The following MUC4 variants were observed in gnomAD, a reference collection of about 807,000 sequenced individuals.
The protein encoded by MUC4 is mucin 4, cell surface associated, also known as mucin-4.
Under a neutral mutation model 257.9 loss-of-function variants are expected in MUC4, and 202 were observed. That is an observed-to-expected ratio of 0.78 (90% CI 0.70 to 0.88). The LOEUF (loss-of-function observed/expected upper bound fraction) is 0.88. MUC4 is among the 40% of genes least tolerant of loss of function. The probability of loss-of-function intolerance (pLI) is 0.00; values close to 1 mark genes in which losing one functional copy is unlikely to be tolerated. For missense variants in MUC4, 5,976 were observed against 6,513.7 expected, an observed-to-expected ratio of 0.92 and a Z score of 2.84; for synonymous variants, 2,351 against 2,757.1, an observed-to-expected ratio of 0.85 and a Z score of 4.62.
At chr3:195,749,958 T>A (rs1716036117) in intron 23 of MUC4, 1 of 152,264 alleles carries the variant, frequency 6.6e-6, no homozygotes, top group African/African-American at 2.4e-5. Flanking sequence ...CTTAATTGCA[T>A]AGTCAGGGCT....
At chr3:195,806,322 G>A (rs62282510) in intron 1 of MUC4, among the ~76,000 whole-genome samples, 1 of 151,974 alleles carries the variant, frequency 6.6e-6, no homozygotes, top group Admixed American at 6.5e-5. Context: ...GCTCCCCGCA[G>A]AACGGTTCCT....
At chr3:195,751,341 G>C in intron 21 of MUC4, 70 bp from the exon 22 acceptor site, 1 of 1,165,530 alleles carries the variant, frequency 8.6e-7, no homozygotes, top group Non-Finnish European at 1.3e-6. Context: ...CTCCCACCTT[G>C]ATGGGTGTAT....
chr3:195,789,064 T>G lies in MUC4; in HGVS notation c.2516A>C (p.His839Pro). ...RFSSNPSRDS[H>P]TTQSTTELLS... ...CAATTCGGTTGTTGACTGGGTTGTG[T>G]GACTGTCCCTGGAGGGGTTTGATGA... The change falls in exon 2 of 25, where the codon CAC becomes CCC. Residue 839 changes from histidine (H) to proline (P), a missense_variant. Transcript: ENST00000463781. 2 of 1,613,700 alleles carry G rather than the reference T, an allele frequency of 1.2e-6. No individual in the cohort carries two copies. Among genetic ancestry groups the G allele is most frequent in the Non-Finnish European group, 1.7e-6 (2 of 1,179,780 alleles).
rs1730507178 is a variant in MUC4 at position 195,784,684 on chromosome 3, GTGGATGCTGAGGAAGGGCTA to G, written c.6876_6895del (p.Ser2293ArgfsTer34). ...GACATGAAGAGGGGTGGCGTGACCT[GTGGATGCTGAGGAAGGGCTA>G]GTGACAGGAAGAGGAGTGGTGTCAC... On this transcript the variant is annotated frameshift_variant, in exon 2 of 25. Transcript: ENST00000463781. LOFTEE classifies it high-confidence loss of function. 1 of 1,447,648 alleles carries G rather than the reference GTGGATGCTGAGGAAGGGCTA, an allele frequency of 6.9e-7. No homozygotes were observed. The highest frequency in any genetic ancestry group is 2.1e-5 in the Admixed American group (1 of 47,252). The allele number at this position is 1,447,648 out of a possible 1,614,324, so 89.7% of individuals were successfully genotyped here.
At chr3:195,772,058 G>A (rs1722998521) in intron 4 of MUC4, among the ~76,000 whole-genome samples, 1 of 152,172 alleles carries the variant, frequency 6.6e-6, no homozygotes, top group Non-Finnish European at 1.5e-5. Flanking sequence ...CTGTTTCACT[G>A]CAGATCCCTG....
At chr3:195,752,987 C>T (rs558733091) in intron 20 of MUC4, 64 bp downstream of exon 20, 39 of 1,382,122 alleles carry the variant, frequency 2.8e-5, no homozygotes, top group Admixed American at 4.3e-5. Flanking sequence ...GGGCGGAGTG[C>T]GGGGGTGAGA....
intron 9 of MUC4, 47 bp downstream of exon 9, chr3:195,765,223 A>G (rs1720177571): frequency 6.3e-7 from 1 of 1,585,182 alleles, no homozygotes. Flanking sequence ...GGGCGTGAGC[A>G]GAGAGGGTGG....
At chr3:195,760,855 A>G in intron 16 of MUC4, 29 bp downstream of exon 16, 1 of 1,598,748 alleles carries the variant, frequency 6.3e-7, no homozygotes, top group South Asian at 1.1e-5. Context: ...CGACTCTGAA[A>G]AGGCCTCCCC....
chr3:195,746,867 A>G lies in MUC4; in HGVS notation c.*309T>C, dbSNP rs1173301630. The G allele has an allele frequency of 9.6e-5, 44 of 456,876 alleles. No homozygotes were observed. The highest frequency in any genetic ancestry group is 7.6e-4 in the African/African-American group (38 of 50,310). 28.3% of individuals were successfully genotyped at this position (456,876 alleles called of 1,614,324 possible). ...GAAGCATTTTGCTTAACTTAGGGCC[A>G]TCACCACATTATGAACTCGTGTGTG... On this transcript the variant is annotated 3_prime_UTR_variant, in exon 25 of 25. Coordinates refer to ENST00000463781, the MANE Select transcript of MUC4 (RefSeq NM_018406.7).
intron 24 of MUC4, among the ~76,000 whole-genome samples, chr3:195,748,638 G>A (rs978744304): frequency 6.6e-6 from 1 of 152,280 alleles, no homozygotes; most frequent in African/African-American, 2.4e-5. Context: ...CCTGGGGCAG[G>A]TTCCTTGTCA....
intron 2 of MUC4, 102 bp downstream of exon 2, chr3:195,778,688 C>G: frequency 7.2e-7 from 1 of 1,384,240 alleles, no homozygotes; most frequent in Non-Finnish European, 9.8e-7. Flanking sequence ...GACACGGCCC[C>G]ACCAGGTAAT....
Position 195,783,391 on chromosome 3 carries a change from G to T in MUC4, c.8189C>A (p.Ser2730Tyr). The change falls in exon 2 of 25, where the codon TCC becomes TAC. Residue 2730 changes from serine (S) to tyrosine (Y), a missense_variant. Ser to Tyr is a moderately radical substitution (Grantham distance 144). Transcript: ENST00000463781. The part of the protein sequence containing the change: ...SLPVTDTSSS[S>Y]TGDTTPLLVT... ...AAGAAGAGGGGTGGTGTCACCTGTG[G>T]ATGATGAGGAAGTGTCGGTGACAGG... is the stretch of plus-strand genomic sequence containing the variant. 3.2e-6 allele frequency: 3 copies of T among 948,220 alleles called. No individual in the cohort carries two copies. The highest frequency in any genetic ancestry group is 3.4e-5 in the Admixed American group (1 of 29,444). The allele number at this position is 948,220 out of a possible 1,614,324, so 58.7% of individuals were successfully genotyped here.
At position 195,791,514 on chromosome 3, in the gene MUC4, T is replaced by G; in HGVS notation, c.83-17A>C. On this transcript the variant is annotated splice_polypyrimidine_tract_variant and intron_variant, in intron 1 of 24. Coordinates refer to ENST00000463781, the MANE Select transcript of MUC4 (RefSeq NM_018406.7). ...CTGTGGTTCCTGGAGTGAACCAAAA[T>G]AGGCAAGCAGAGAGCTAAATCATGA... 2 of 1,541,942 alleles carry G rather than the reference T, an allele frequency of 1.3e-6. No individual in the cohort carries two copies. The highest frequency in any genetic ancestry group is 1.8e-6 in the Non-Finnish European group (2 of 1,117,220).
At chr3:195,794,371 T>G (rs530865674) in intron 1 of MUC4, among the ~76,000 whole-genome samples, 5 of 132,756 alleles carry the variant, frequency 3.8e-5, no homozygotes, top group South Asian at 4.4e-4. Flanking sequence ...AACATATATA[T>G]ATAGAGAGAG....
At chr3:195,750,774 C>G in intron 23 of MUC4, 115 bp downstream of exon 23, 3 of 1,047,600 alleles carry the variant, frequency 2.9e-6, no homozygotes, top group Non-Finnish European at 4.1e-6. Flanking sequence ...CACGTTTTCG[C>G]TCAAAACCAA....
chr3:195,778,933 G>T lies in MUC4; in HGVS notation c.12647C>A (p.Ser4216Ter). Residue 4216 changes from serine to a stop codon, truncating the protein, a stop_gained, in exon 2 of 25, where the codon TCA becomes TAA. Coordinates refer to ENST00000463781, the MANE Select transcript of MUC4 (RefSeq NM_018406.7). LOFTEE classifies it high-confidence loss of function. ...AGGGGTGGCGTGACCTGTGGATGCTGAGGAAGTGTCGGTGACAGGAAGAGG... is the reference window on the plus strand; with the variant it reads ...AGGGGTGGCGTGACCTGTGGATGCTTAGGAAGTGTCGGTGACAGGAAGAGG... The part of the protein sequence containing the change: ...ATPLPVTDTS[S>*]ASTGHATPLP... 6.6e-7 allele frequency: 1 copy of T among 1,515,104 alleles called. No individual in the cohort carries two copies. 93.9% of individuals were successfully genotyped at this position (1,515,104 alleles called of 1,614,324 possible). A position where few individuals can be genotyped will look rare whatever the true frequency, so the allele number is the denominator to read the frequency against.
chr3:195,760,185 G>A (rs1336893550), intron 16 of MUC4, among the ~76,000 whole-genome samples: 1 of 152,104 alleles, frequency 6.6e-6, no homozygotes, highest in Non-Finnish European at 1.5e-5. Context: ...AAAATATGTT[G>A]AGTAATTATA....
At position 195,779,467 on chromosome 3, in the gene MUC4, G is replaced by A. The variant is rs547189907; in HGVS notation, c.12113C>T (p.Thr4038Ile). The change falls in exon 2 of 25, where the codon ACT becomes ATT. Residue 4038 changes from threonine to isoleucine, a missense_variant. Transcript: ENST00000463781. ...GHATPVPVTS[T>I]SSASTGDTTP... Reference sequence around the variant, plus strand: ...GGTGTCACCTGTGGATGCTGAGGAAGTGCTGGTGACAGGAACAGGGGTGGC... The same window carrying A: ...GGTGTCACCTGTGGATGCTGAGGAAATGCTGGTGACAGGAACAGGGGTGGC... 1,681 of 1,159,804 alleles carry A rather than the reference G, an allele frequency of 1.4e-3. 4 individuals carry two copies. Among genetic ancestry groups the A allele is most frequent in the East Asian group, 9.0e-3 (214 of 23,716 alleles). 71.8% of individuals were successfully genotyped at this position (1,159,804 alleles called of 1,614,324 possible).
intron 5 of MUC4, 50 bp from the exon 6 acceptor site, chr3:195,770,421 C>T (rs1042638429): frequency 6.2e-7 from 1 of 1,604,058 alleles, no homozygotes; most frequent in Non-Finnish European, 8.5e-7. Flanking sequence ...CCCACTCCTA[C>T]ACATGGGCCC....
Sources: allele counts gnomAD v4.1 joint callset (sites outside exome capture counted in the v4.1 genomes callset), GRCh38; gene constraint gnomAD v4.1.1; transcripts MANE v1.5; gene names NCBI Gene and HGNC (gene_info 2026-07-23, HGNC 2026-07-21).